LRRTM3: variants seen among roughly 807,000 people sequenced by gnomAD.
LRRTM3 encodes the protein leucine rich repeat transmembrane neuronal 3.
In LRRTM3, 24 loss-of-function variants were observed where a neutral mutation model predicts 44.7. That is an observed-to-expected ratio of 0.54 (90% confidence interval 0.39 to 0.76). The LOEUF (loss-of-function observed/expected upper bound fraction) is 0.76, where lower values mean the gene tolerates loss of function less well. Among genes scored for constraint, LRRTM3 ranks in the 30% least tolerant of loss-of-function variants. LRRTM3 has a pLI of 0.00. For synonymous variants in LRRTM3, 277 were observed against 278.7 expected (o/e 0.99, Z 0.06); for missense variants, 587 against 702.2 (o/e 0.84, Z 1.85).
chr10:66,975,994 A>AT (rs1246741530), intron 2 of LRRTM3, among the ~76,000 whole-genome samples: 1 of 152,186 alleles, frequency 6.6e-6, no homozygotes, highest in Admixed American at 6.5e-5. Context: ...ACCAGAGTTG[A>AT]TTCTTTTCTA....
At chr10:66,972,136 C>T (rs1307453620) in intron 2 of LRRTM3, among the ~76,000 whole-genome samples, 1 of 152,000 alleles carries the variant, frequency 6.6e-6, no homozygotes, top group Non-Finnish European at 1.5e-5. Flanking sequence ...GATAGAATAT[C>T]GCCTTCTCAA....
At chr10:66,965,743 T>C (rs1335263643) in intron 2 of LRRTM3, among the ~76,000 whole-genome samples, 1 of 152,088 alleles carries the variant, frequency 6.6e-6, no homozygotes, top group Non-Finnish European at 1.5e-5. Context: ...TTTATTTCTT[T>C]GCTCAGTCAA....
chr10:67,021,438 T>A (rs562333768), intron 2 of LRRTM3, among the ~76,000 whole-genome samples: 1 of 152,208 alleles, frequency 6.6e-6, no homozygotes, highest in Admixed American at 6.5e-5. Flanking sequence ...ACTGAAAATA[T>A]AAAATTTTAA....
At chr10:66,954,841 T>C (rs1224515868) in intron 2 of LRRTM3, among the ~76,000 whole-genome samples, 1 of 152,126 alleles carries the variant, frequency 6.6e-6, no homozygotes, top group African/African-American at 2.4e-5. Flanking sequence ...GGGCTACAAG[T>C]AGAGAAATTA....
chr10:66,936,070 C>A (rs145690057), intron 2 of LRRTM3, among the ~76,000 whole-genome samples: 450 of 152,228 alleles, frequency 3.0e-3, no homozygotes, highest in Non-Finnish European at 5.3e-3. Context: ...TCATGTCATT[C>A]ATTAAAAAGC....
intron 2 of LRRTM3, among the ~76,000 whole-genome samples, chr10:66,935,726 T>C (rs964812200): frequency 3.3e-5 from 5 of 152,030 alleles, no homozygotes; most frequent in African/African-American, 1.2e-4. Context: ...CAGGAATTTG[T>C]ATATATTATC....
intron 2 of LRRTM3, among the ~76,000 whole-genome samples, chr10:67,010,529 G>A (rs1852252114): frequency 6.6e-6 from 1 of 152,136 alleles, no homozygotes; most frequent in Non-Finnish European, 1.5e-5. Flanking sequence ...TATTAGATCT[G>A]TGCTCAAGGC....
intron 2 of LRRTM3, among the ~76,000 whole-genome samples, chr10:67,092,706 G>A (rs1857727470): frequency 1.3e-5 from 2 of 152,040 alleles, no homozygotes; most frequent in Admixed American, 6.6e-5. Context: ...AAGACCATTA[G>A]TAATTAGTTA....
At chr10:67,013,532 A>G (rs1042424904) in intron 2 of LRRTM3, among the ~76,000 whole-genome samples, 2 of 152,198 alleles carry the variant, frequency 1.3e-5, no homozygotes, top group Non-Finnish European at 2.9e-5. Context: ...AACACTTTAT[A>G]CTGAACTATA....
intron 2 of LRRTM3, among the ~76,000 whole-genome samples, chr10:67,031,435 T>C (rs1475351278): frequency 6.6e-6 from 1 of 152,204 alleles, no homozygotes; most frequent in Non-Finnish European, 1.5e-5. Flanking sequence ...ACATTGTGCT[T>C]ATCACTAATG....
Position 66,928,141 on chromosome 10 carries a change from G to T in LRRTM3, c.1225G>T (p.Asp409Tyr). 1 of 1,614,098 alleles carries T rather than the reference G, an allele frequency of 6.2e-7. No homozygotes were observed. The highest frequency in any genetic ancestry group is 8.5e-7 in the Non-Finnish European group (1 of 1,180,046). The change falls in exon 2 of 3, where the codon GAT (aspartate) becomes TAT (tyrosine). Residue 409 changes from aspartate to tyrosine, a missense_variant. Physicochemically the swap from Asp to Tyr is radical, Grantham distance 160. Around this residue, in one of 3 missense-constraint regions of LRRTM3, gnomAD observed 315 missense variants for 335.6 expected, o/e 0.94. Coordinates refer to ENST00000361320, the MANE Select transcript of LRRTM3 (RefSeq NM_178011.5). ...AGCCACAGAGCCCGGCCCAGAGACC[G>T]ATGCTGACGCCGAGCACATCTCTTT... is the stretch of plus-strand genomic sequence containing the variant. ...VGATEPGPET[D>Y]ADAEHISFHK...
chr10:67,063,537 G>A (rs1855886924), intron 2 of LRRTM3, among the ~76,000 whole-genome samples: 1 of 152,192 alleles, frequency 6.6e-6, no homozygotes, highest in African/African-American at 2.4e-5. Context: ...GTTTAAATGG[G>A]GAGGTTATCA....
At chr10:67,082,599 T>G (rs1857107232) in intron 2 of LRRTM3, among the ~76,000 whole-genome samples, 1 of 152,112 alleles carries the variant, frequency 6.6e-6, no homozygotes, top group Non-Finnish European at 1.5e-5. Context: ...AGCACTAAGG[T>G]CTTTGAATAA....
chr10:66,978,388 G>A (rs897970471), intron 2 of LRRTM3, among the ~76,000 whole-genome samples: 19 of 151,176 alleles, frequency 1.3e-4, no homozygotes, highest in Non-Finnish European at 1.0e-4. Context: ...CTAGCTGGGC[G>A]TGGTGGTGGG....
chr10:67,053,535 A>G (rs1291270850), intron 2 of LRRTM3, among the ~76,000 whole-genome samples: 1 of 152,198 alleles, frequency 6.6e-6, no homozygotes, highest in Non-Finnish European at 1.5e-5. Flanking sequence ...TAGAGTTAGC[A>G]TTAAAAATAG....
At chr10:67,070,528 A>G (rs900292147) in intron 2 of LRRTM3, among the ~76,000 whole-genome samples, 4 of 152,008 alleles carry the variant, frequency 2.6e-5, no homozygotes, top group Non-Finnish European at 5.9e-5. Flanking sequence ...GCAGGCAGAT[A>G]ACAAGGTCCG....
intron 2 of LRRTM3, among the ~76,000 whole-genome samples, chr10:67,057,021 T>A (rs891214370): frequency 1.3e-5 from 2 of 152,194 alleles, no homozygotes; most frequent in East Asian, 3.9e-4. Flanking sequence ...TCACAGTCAT[T>A]AAGCACTACA....
intron 2 of LRRTM3, 115 bp downstream of exon 2, chr10:66,928,567 C>A: frequency 1.0e-6 from 1 of 953,412 alleles, no homozygotes. Flanking sequence ...CCCTCTCCCT[C>A]TCACTTTGCT....
In LRRTM3 at chr10:67,048,367, T is replaced by A. The variant is rs1332783415; in HGVS notation, c.1537-49220T>A. Among the ~76,000 whole-genome samples, 3 of 152,060 alleles carry A rather than the reference T, an allele frequency of 2.0e-5. No homozygotes were observed. The East Asian group carries it at 5.8e-4, about 29-fold the overall frequency. ...TTCTTGAGAAAACAAAGCCAGTACATAGATAAATTCCTTACATGATGATCA... is the reference window on the plus strand; with the variant it reads ...TTCTTGAGAAAACAAAGCCAGTACAAAGATAAATTCCTTACATGATGATCA... On this transcript the variant is annotated intron_variant, in intron 2 of 2. Coordinates refer to ENST00000361320, the MANE Select transcript of LRRTM3 (RefSeq NM_178011.5).
Sources: gnomAD v4.1 joint callset for allele counts (sites outside exome capture counted in the v4.1 genomes callset) on GRCh38, gnomAD v4.1.1 for gene constraint, gnomAD v4.1.1 regional missense constraint, MANE v1.5 for transcripts, NCBI Gene and HGNC (gene_info 2026-07-23, HGNC 2026-07-21) for gene names.